Variants in MTO1 observed in about 807,000 individuals in gnomAD.
The protein encoded by MTO1 is 5-taurinomethyluridine-[tRNA] synthase subunit MTO1, mitochondrial.
Under a neutral mutation model 71.6 loss-of-function variants are expected in MTO1, and 46 were observed. That is an observed-to-expected ratio of 0.64 (90% CI 0.51 to 0.82). The LOEUF (loss-of-function observed/expected upper bound fraction) is 0.82. MTO1 is among the 40% of genes least tolerant of loss of function. The pLI, the probability that MTO1 is intolerant of heterozygous loss-of-function variation, is 0.00. For synonymous variants in MTO1, 297 were observed against 312.1 expected (o/e 0.95, Z 0.51); for missense variants, 773 against 867.5 (o/e 0.89, Z 1.37).
intron 9 of MTO1, chr6:73,492,017 G>T (rs1031548558): frequency 3.0e-5 from 12 of 395,272 alleles, no homozygotes; most frequent in African/African-American, 6.2e-5. Flanking sequence ...CAGGAGAATT[G>T]CTTGAACCCA....
At chr6:73,484,147 G>A (rs1260242293) in intron 9 of MTO1, among the ~76,000 whole-genome samples, 1 of 152,110 alleles carries the variant, frequency 6.6e-6, no homozygotes, top group Non-Finnish European at 1.5e-5. Flanking sequence ...TTTAATAATA[G>A]TAACAGCAGG....
intron 7 of MTO1, among the ~76,000 whole-genome samples, chr6:73,481,492 C>G (rs941986268): frequency 1.3e-5 from 2 of 151,880 alleles, no homozygotes; most frequent in African/African-American, 4.8e-5. Flanking sequence ...ACCGGCTGGG[C>G]ATGGTGCGTC....
At chr6:73,497,544 CA>C (rs1772023508) in intron 10 of MTO1, among the ~76,000 whole-genome samples, 191 bp from the exon 11 acceptor site, 1 of 152,176 alleles carries the variant, frequency 6.6e-6, no homozygotes, top group Admixed American at 6.6e-5. Context: ...ATATGCAAGA[CA>C]CTCCATTTAT....
rs535685600 is a variant in MTO1 at position 73,479,355 on chromosome 6, C to T, written c.826-377C>T. ...ACCAAAAATACAAAAATTAGCCGAACGTAGTGGTGCATGCCTGTGATCCCA... is the reference window on the plus strand; with the variant it reads ...ACCAAAAATACAAAAATTAGCCGAATGTAGTGGTGCATGCCTGTGATCCCA... On this transcript the variant is annotated intron_variant, in intron 4 of 11. Transcript: ENST00000498286. 2.7e-3 allele frequency among the ~76,000 whole-genome samples: 407 copies of T among 152,030 alleles called. 1 individual carries two copies. Among genetic ancestry groups the T allele is most frequent in the Non-Finnish European group, 3.3e-3 (227 of 67,988 alleles).
Position 73,487,154 on chromosome 6 carries a change from A to G in MTO1, c.1637+4534A>G, listed in dbSNP as rs931272728. 4.6e-5 allele frequency among the ~76,000 whole-genome samples: 7 copies of G among 150,872 alleles called. No homozygotes were observed. The South Asian group carries it at 6.3e-4, about 14-fold the overall frequency. On this transcript the variant is annotated intron_variant, in intron 9 of 11. Coordinates refer to ENST00000498286, the MANE Select transcript of MTO1 (RefSeq NM_012123.4). ...TGTTAATGTACATGTTAGTGCTGCT[A>G]TGAACATGGGTATACAAAGATATCT...
chr6:73,485,167 A>C (rs1370332471), intron 9 of MTO1, among the ~76,000 whole-genome samples: 2 of 152,034 alleles, frequency 1.3e-5, no homozygotes, highest in East Asian at 3.8e-4. Context: ...GAATATTGAG[A>C]GTGTGGGAAG....
chr6:73,478,933 G>T (rs1422807791), intron 4 of MTO1, among the ~76,000 whole-genome samples: 1 of 144,476 alleles, frequency 6.9e-6, no homozygotes, highest in East Asian at 2.1e-4. Flanking sequence ...CTGTCATCCA[G>T]GCTGGAGTGC....
rs1179549191 is a variant in MTO1, at chr6:73,502,164, C to G, written c.*1429C>G. 1 of 152,220 alleles carries G rather than the reference C, an allele frequency of 6.6e-6. No homozygotes were observed. Among genetic ancestry groups the G allele is most frequent in the African/African-American group, 2.4e-5 (1 of 41,446 alleles). 9.4% of individuals were successfully genotyped at this position (152,220 alleles called of 1,614,324 possible). ...ATTGTGTATATATTTTGAAAAGAGG[C>G]TGGTTGCAGCAGCTCACGCCTGTAA... On this transcript the variant is annotated 3_prime_UTR_variant, in exon 12 of 12. Coordinates refer to ENST00000498286, the MANE Select transcript of MTO1 (RefSeq NM_012123.4).
intron 4 of MTO1, among the ~76,000 whole-genome samples, chr6:73,476,236 T>C (rs1433846231): frequency 7.0e-6 from 1 of 143,684 alleles, no homozygotes; most frequent in Non-Finnish European, 1.5e-5. Context: ...TAGCCAGGCA[T>C]GGTGGCTCAT....
At chr6:73,480,914 A>C (rs556381434) in intron 7 of MTO1, 109 bp downstream of exon 7, 84 of 1,186,410 alleles carry the variant, frequency 7.1e-5, no homozygotes, top group Admixed American at 2.7e-4. Context: ...ATTCATACTA[A>C]TAGAAGACAA....
rs540252865 is a variant in MTO1 at position 73,492,995 on chromosome 6, T to TG, written c.1756+643_1756+644insG. Among the ~76,000 whole-genome samples, 624 of 73,270 alleles carry TG rather than the reference T, an allele frequency of 8.5e-3. 3 individuals carry two copies. Among genetic ancestry groups the TG allele is most frequent in the Non-Finnish European group, 0.01 (376 of 36,614 alleles). 48.1% of individuals were successfully genotyped at this position (73,270 alleles called of 152,430 possible). ...GTGTGTGTGTGTGTGTGTGTGTGTA[T>TG]TTTTTTTTTTTTTTTTGAGGAGGAG... is the stretch of plus-strand genomic sequence containing the variant. On this transcript the variant is annotated intron_variant, in intron 10 of 11. Coordinates refer to ENST00000498286, the MANE Select transcript of MTO1 (RefSeq NM_012123.4).
chr6:73,483,263 G>T (rs1771563263), intron 9 of MTO1, among the ~76,000 whole-genome samples: 1 of 151,898 alleles, frequency 6.6e-6, no homozygotes, highest in East Asian at 2.0e-4. Flanking sequence ...ACAAAAATTA[G>T]CCGGGCGTGG....
At chr6:73,492,995 T>TGTGTGTGTA (rs540252865) in intron 10 of MTO1, among the ~76,000 whole-genome samples, 2,213 of 73,266 alleles carry the variant, frequency 0.03, 51 homozygotes, top group African/African-American at 0.073. Flanking sequence ...TGTGTGTGTA[T>TGTGTGTGTA]TTTTTTTTTT....
intron 10 of MTO1, among the ~76,000 whole-genome samples, chr6:73,492,995 T>TA (rs540252865): frequency 8.2e-5 from 6 of 73,310 alleles, no homozygotes; most frequent in East Asian, 6.8e-4. Flanking sequence ...TGTGTGTGTA[T>TA]TTTTTTTTTT....
chr6:73,468,349 C>T (rs1771057632), intron 3 of MTO1, among the ~76,000 whole-genome samples: 1 of 152,008 alleles, frequency 6.6e-6, no homozygotes, highest in South Asian at 2.1e-4. Context: ...GAACTCCTGA[C>T]CTCAAGCGAT....
chr6:73,473,338 A>C, intron 3 of MTO1, 27 bp from the exon 4 acceptor site: 1 of 1,576,520 alleles, frequency 6.3e-7, no homozygotes, highest in Non-Finnish European at 8.6e-7. Flanking sequence ...ATAGATAATG[A>C]CTTTATTCTT....
At position 73,479,929 on chromosome 6, in the gene MTO1, A is replaced by T. The variant is rs769685212; in HGVS notation, c.939-7A>T. 32 of 1,611,300 alleles carry T rather than the reference A, an allele frequency of 2.0e-5. No homozygotes were observed. The East Asian group carries it at 7.1e-4, about 36-fold the overall frequency. ...CATTTCAAGTTTATTTAAATGTTCT[A>T]TTCTAGATACTGTCCCTCCATTGAA... On this transcript the variant is annotated splice_polypyrimidine_tract_variant and splice_region_variant and intron_variant, in intron 5 of 11. Transcript: ENST00000498286.
intron 4 of MTO1, among the ~76,000 whole-genome samples, chr6:73,474,666 T>C (rs1771257975): frequency 6.6e-6 from 1 of 152,142 alleles, no homozygotes; most frequent in Non-Finnish European, 1.5e-5. Flanking sequence ...CAGGCTGGTT[T>C]TGAACTCCTG....
At chr6:73,471,195 T>G (rs1332506409) in intron 3 of MTO1, among the ~76,000 whole-genome samples, 2 of 115,648 alleles carry the variant, frequency 1.7e-5, no homozygotes, top group East Asian at 5.0e-4. Flanking sequence ...GCTTTGCTTT[T>G]GGAGGCCATG....
Sources: allele counts gnomAD v4.1 joint callset (sites outside exome capture counted in the v4.1 genomes callset), GRCh38; gene constraint gnomAD v4.1.1; transcripts MANE v1.5; gene names NCBI Gene and HGNC (gene_info 2026-07-23, HGNC 2026-07-21).